The following NCALD variants were observed in gnomAD, a reference collection of about 807,000 sequenced individuals.
NCALD encodes neurocalcin-delta.
NCALD carries 10 observed loss-of-function variants against 18.6 expected under a neutral mutation model. That is an observed-to-expected ratio of 0.54 (90% CI 0.33 to 0.91). NCALD has a LOEUF of 0.91. Among genes scored for constraint, NCALD ranks in the 40% least tolerant of loss-of-function variants. NCALD has a pLI of 0.03. For missense variants in NCALD, 184 were observed against 247.6 expected (o/e 0.74, Z 1.72); for synonymous variants, 88 against 87.4 (o/e 1.01, Z -0.04).
intron 1 of NCALD, among the ~76,000 whole-genome samples, chr8:101,758,496 C>T (rs997288820): frequency 3.9e-5 from 6 of 152,186 alleles, no homozygotes; most frequent in African/African-American, 1.4e-4. Flanking sequence ...AATCCCAATA[C>T]CAATAAAAGC....
intron 4 of NCALD, among the ~76,000 whole-genome samples, chr8:101,838,780 C>T (rs990387272): frequency 6.6e-6 from 1 of 152,282 alleles, no homozygotes; most frequent in South Asian, 2.1e-4. Flanking sequence ...TTGGTTGACA[C>T]CATTATTTCA....
At chr8:102,050,318 A>C (rs1000222206) in intron 1 of NCALD, among the ~76,000 whole-genome samples, 4 of 151,738 alleles carry the variant, frequency 2.6e-5, no homozygotes, top group African/African-American at 7.3e-5. Flanking sequence ...TCATTCTCTT[A>C]ATAATCTCAT....
intron 4 of NCALD, among the ~76,000 whole-genome samples, chr8:101,866,765 C>G (rs1200043423): frequency 1.3e-5 from 2 of 152,200 alleles, no homozygotes; most frequent in African/African-American, 4.8e-5. Flanking sequence ...TTAACACTAA[C>G]AGCCATTCCC....
At chr8:101,831,467 T>TTCA (rs1814182910) in intron 4 of NCALD, among the ~76,000 whole-genome samples, 2 of 152,238 alleles carry the variant, frequency 1.3e-5, no homozygotes, top group African/African-American at 4.8e-5. Context: ...AATAGTCTGA[T>TTCA]AAGTTAAACT....
intron 1 of NCALD, among the ~76,000 whole-genome samples, chr8:102,048,528 A>G (rs1823325452): frequency 6.6e-6 from 1 of 152,182 alleles, no homozygotes. Flanking sequence ...AGTAAATAAC[A>G]CAAGAGGCCA....
rs71276999 is a variant in NCALD, at chr8:101,693,318, GTTTTTTTTTTTTTTTT to G, written c.379-438_379-423del. 508 of 60,046 alleles carry G rather than the reference GTTTTTTTTTTTTTTTT, an allele frequency of 8.5e-3. 5 individuals carry two copies. Among genetic ancestry groups the G allele is most frequent in the African/African-American group, 0.031 (446 of 14,178 alleles). The allele number at this position is 60,046 out of a possible 1,614,324, so 3.7% of individuals were successfully genotyped here. A position where few individuals can be genotyped will look rare whatever the true frequency, so the allele number is the denominator to read the frequency against. On this transcript the variant is annotated intron_variant, in intron 2 of 3. Transcript: ENST00000220931. ...AGAGGTACTCCCCACCACACAGGGCGTTTTTTTTTTTTTTTTTTTTTTTTTTTTTTTTTCTGTACAG... is the reference window on the plus strand; with the variant it reads ...AGAGGTACTCCCCACCACACAGGGCGTTTTTTTTTTTTTTTTTCTGTACAG...
At chr8:101,916,548 A>T (rs888279284) in intron 2 of NCALD, among the ~76,000 whole-genome samples, 2 of 152,180 alleles carry the variant, frequency 1.3e-5, no homozygotes, top group Non-Finnish European at 2.9e-5. Context: ...AAGTGGTTTC[A>T]ATGTTCCCAC....
At chr8:101,785,336 G>C (rs942031496) in intron 1 of NCALD, among the ~76,000 whole-genome samples, 45 of 152,136 alleles carry the variant, frequency 3.0e-4, no homozygotes, top group African/African-American at 9.7e-4. Context: ...ACATTATTGA[G>C]TACCTAATAC....
intron 1 of NCALD, among the ~76,000 whole-genome samples, chr8:101,742,738 C>T (rs1810263521): frequency 6.6e-6 from 1 of 152,052 alleles, no homozygotes; most frequent in South Asian, 2.1e-4. Context: ...TAAATGTGTG[C>T]CATGGTGGTC....
rs185916728 is a variant in NCALD at position 102,101,298 on chromosome 8, C to A, written c.-210+22939G>T. Among the ~76,000 whole-genome samples, 401 of 152,318 alleles carry A rather than the reference C, an allele frequency of 2.6e-3. 5 individuals carry two copies. The highest frequency in any genetic ancestry group is 0.015 in the South Asian group (73 of 4,828). Reference sequence around the variant, plus strand: ...TGATTTTTCAGGAGAAGCCTGAAATCCGCATTTTTATAAAATATCCTCTTT... The same window carrying A: ...TGATTTTTCAGGAGAAGCCTGAAATACGCATTTTTATAAAATATCCTCTTT... On this transcript the variant is annotated intron_variant, in intron 1 of 6. Transcript: ENST00000311028.
chr8:101,795,313 CT>C (rs1186144886), upstream of NCALD, among the ~76,000 whole-genome samples: 1 of 152,160 alleles, frequency 6.6e-6, no homozygotes, highest in Admixed American at 6.5e-5. Flanking sequence ...TATTGAGCGT[CT>C]TATTCCATTT....
At chr8:101,820,607 G>T (rs1407253458) in intron 4 of NCALD, among the ~76,000 whole-genome samples, 1 of 152,122 alleles carries the variant, frequency 6.6e-6, no homozygotes, top group African/African-American at 2.4e-5. Flanking sequence ...TTGATATCCA[G>T]TCTCTATAGT....
At chr8:101,731,539 G>A (rs377366400) in intron 1 of NCALD, among the ~76,000 whole-genome samples, 1 of 152,160 alleles carries the variant, frequency 6.6e-6, no homozygotes, top group Non-Finnish European at 1.5e-5. Flanking sequence ...CCCATGGTCT[G>A]CCTGAGTTAT....
intron 2 of NCALD, among the ~76,000 whole-genome samples, chr8:101,953,769 G>A (rs1020977596): frequency 2.6e-5 from 4 of 152,256 alleles, no homozygotes; most frequent in African/African-American, 4.8e-5. Flanking sequence ...TTGTGACTGC[G>A]TCACCTTTTG....
At chr8:102,043,745 AGGGAAG>A (rs924493327) in intron 1 of NCALD, among the ~76,000 whole-genome samples, 8 of 100,820 alleles carry the variant, frequency 7.9e-5, no homozygotes, top group South Asian at 3.3e-4. Context: ...GGATGGGGAA[AGGGAAG>A]GGGAAGGGGA....
chr8:101,842,246 A>T (rs142649337), intron 4 of NCALD, among the ~76,000 whole-genome samples: 1 of 152,312 alleles, frequency 6.6e-6, no homozygotes, highest in African/African-American at 2.4e-5. Flanking sequence ...CTTTAAAGAC[A>T]GTCACATGCT....
At chr8:101,787,844 A>G (rs1322508921) in intron 1 of NCALD, among the ~76,000 whole-genome samples, 2 of 152,204 alleles carry the variant, frequency 1.3e-5, no homozygotes, top group Non-Finnish European at 2.9e-5. Flanking sequence ...TCACACGTGT[A>G]TGTGCTTTAC....
intron 1 of NCALD, among the ~76,000 whole-genome samples, chr8:101,771,940 T>C (rs1041348736): frequency 2.0e-5 from 3 of 152,244 alleles, no homozygotes; most frequent in Non-Finnish European, 4.4e-5. Flanking sequence ...GTCGCAATTA[T>C]GTGCCAGACA....
intron 1 of NCALD, among the ~76,000 whole-genome samples, chr8:101,746,971 T>C (rs1810452178): frequency 6.6e-6 from 1 of 152,124 alleles, no homozygotes; most frequent in Admixed American, 6.6e-5. Context: ...CAATCAAATA[T>C]GTGCTGAGTA....
Sources: gnomAD v4.1 joint callset for allele counts (sites outside exome capture counted in the v4.1 genomes callset) on GRCh38, gnomAD v4.1.1 for gene constraint, MANE v1.5 for transcripts, NCBI Gene and HGNC (gene_info 2026-07-23, HGNC 2026-07-21) for gene names.